LHFPL4: variants seen among roughly 807,000 people sequenced by gnomAD.
LHFPL4 encodes LHFPL tetraspan subfamily member 4.
In LHFPL4, 6 loss-of-function variants were observed where a neutral mutation model predicts 20.0. The observed-to-expected ratio is 0.30, with a 90% CI of 0.16 to 0.59. The LOEUF (loss-of-function observed/expected upper bound fraction) is 0.59, where lower values mean the gene tolerates loss of function less well. LHFPL4 is among the 20% of genes least tolerant of loss of function. The pLI is 0.88. For synonymous variants in LHFPL4, 129 were observed against 143.8 expected, an observed-to-expected ratio of 0.90 and a Z score of 0.74; for missense variants, 215 against 331.2, an observed-to-expected ratio of 0.65 and a Z score of 2.72.
intron 2 of LHFPL4, among the ~76,000 whole-genome samples, chr3:9,516,988 C>T (rs2046307214): frequency 6.6e-6 from 1 of 151,754 alleles, no homozygotes; most frequent in African/African-American, 2.4e-5. Flanking sequence ...GCCATGTTGC[C>T]CAGGTTGGTC....
At chr3:9,553,440 C>A (rs2046570716) in intron 1 of LHFPL4, among the ~76,000 whole-genome samples, 1 of 150,474 alleles carries the variant, frequency 6.6e-6, no homozygotes, top group Non-Finnish European at 1.5e-5. Flanking sequence ...TGGAGGTAGG[C>A]TGGAGGGAGC....
intron 2 of LHFPL4, among the ~76,000 whole-genome samples, chr3:9,551,730 C>T (rs2046555594): frequency 6.6e-6 from 1 of 152,108 alleles, no homozygotes; most frequent in Non-Finnish European, 1.5e-5. Flanking sequence ...GCCTCTCCCC[C>T]TTATCACAGC....
At chr3:9,534,903 C>T (rs982806427) in intron 2 of LHFPL4, among the ~76,000 whole-genome samples, 3 of 152,030 alleles carry the variant, frequency 2.0e-5, no homozygotes, top group African/African-American at 2.4e-5. Context: ...TAAGATTTAA[C>T]TGTGAGGATG....
At chr3:9,540,774 G>A (rs1480652709) in intron 2 of LHFPL4, among the ~76,000 whole-genome samples, 2 of 151,678 alleles carry the variant, frequency 1.3e-5, no homozygotes, top group Middle Eastern at 3.4e-3. Flanking sequence ...GGTGGTGTAT[G>A]CCTGTGGTCC....
chr3:9,535,305 T>C (rs966458877), intron 2 of LHFPL4, among the ~76,000 whole-genome samples: 2 of 152,224 alleles, frequency 1.3e-5, no homozygotes, highest in Admixed American at 1.3e-4. Context: ...TCTACAACTC[T>C]ATGGAATAGA....
chr3:9,501,951 G>C lies in LHFPL4; in HGVS notation c.*260C>G. ...TCTAGAGAGGAGAGGAGAAGCCCAA[G>C]GGCCTACGCAGATGCAGGCTCCCTT... On this transcript the variant is annotated 3_prime_UTR_variant, in exon 4 of 4. Coordinates refer to ENST00000287585, the MANE Select transcript of LHFPL4 (RefSeq NM_198560.3). The C allele has an allele frequency of 2.0e-6, 1 of 510,924 alleles. No homozygotes were observed. Among genetic ancestry groups the C allele is most frequent in the Non-Finnish European group, 3.6e-6 (1 of 281,334 alleles). 31.6% of individuals were successfully genotyped at this position (510,924 alleles called of 1,614,324 possible).
chr3:9,526,951 A>T (rs566576433), intron 2 of LHFPL4, among the ~76,000 whole-genome samples: 1 of 148,976 alleles, frequency 6.7e-6, no homozygotes, highest in African/African-American at 2.4e-5. Flanking sequence ...AGAAAAAAAG[A>T]AAAAAAAAGG....
chr3:9,506,037 G>A lies in LHFPL4; in HGVS notation c.573C>T (p.Ser191=), dbSNP rs1326544458. ...GGTTGCCCAGCACGAAGGCGAGGAA[G>A]GAGAGGATGAGGGCGTTGAGGATGC... ...IIGILNALIL[S]FLAFVLGNRQ... is the part of the protein sequence containing the mutation. The change falls in exon 3 of 4, where the codon TCC becomes TCT. Residue 191 remains serine (S), a synonymous_variant. Coordinates refer to ENST00000287585, the MANE Select transcript of LHFPL4 (RefSeq NM_198560.3). The surrounding 1 kb of genome is among the most constrained non-coding windows in gnomAD (Gnocchi z 4.5). 6.2e-7 allele frequency: 1 copy of A among 1,614,218 alleles called. No homozygotes were observed. Among genetic ancestry groups the A allele is most frequent in the South Asian group, 1.1e-5 (1 of 91,086 alleles).
chr3:9,541,906 T>G (rs2046479052), intron 2 of LHFPL4, among the ~76,000 whole-genome samples: 1 of 152,182 alleles, frequency 6.6e-6, no homozygotes, highest in Admixed American at 6.5e-5. Flanking sequence ...TTTCTCAAAA[T>G]TTTAAATACA....
chr3:9,522,877 T>G (rs1013979679), intron 2 of LHFPL4, among the ~76,000 whole-genome samples: 1 of 150,212 alleles, frequency 6.7e-6, no homozygotes, highest in Non-Finnish European at 1.5e-5. Flanking sequence ...CCGTCTCTAC[T>G]AAAAATACAA....
At chr3:9,546,675 T>C (rs1445778574) in intron 2 of LHFPL4, among the ~76,000 whole-genome samples, 1 of 152,206 alleles carries the variant, frequency 6.6e-6, no homozygotes, top group Non-Finnish European at 1.5e-5. Context: ...GATAAGACTC[T>C]TTCCAGCTGA....
At chr3:9,550,512 C>A (rs966348988) in intron 2 of LHFPL4, 1 of 152,142 alleles carries the variant, frequency 6.6e-6, no homozygotes, top group Non-Finnish European at 1.5e-5. Context: ...GCCTGAAATT[C>A]TATTATTATA....
At chr3:9,542,365 C>G (rs2046482300) in intron 2 of LHFPL4, among the ~76,000 whole-genome samples, 1 of 152,150 alleles carries the variant, frequency 6.6e-6, no homozygotes, top group African/African-American at 2.4e-5. Context: ...ACCCAAATGT[C>G]CATCAGCTGA....
rs1369343709 is a variant in LHFPL4, at chr3:9,498,756, C to T, written c.*3455G>A. On this transcript the variant is annotated 3_prime_UTR_variant, in exon 4 of 4. Coordinates refer to ENST00000287585, the MANE Select transcript of LHFPL4 (RefSeq NM_198560.3). ...CACTGGAAGCTGGAGAAAGGTTATTCCCCGTGTGCCCAAGCAGGATGCTCA... is the reference window on the plus strand; with the variant it reads ...CACTGGAAGCTGGAGAAAGGTTATTTCCCGTGTGCCCAAGCAGGATGCTCA... 1 of 152,668 alleles carries T rather than the reference C, an allele frequency of 6.6e-6. No homozygotes were observed. The highest frequency in any genetic ancestry group is 2.4e-5 in the African/African-American group (1 of 41,452). 9.5% of individuals were successfully genotyped at this position (152,668 alleles called of 1,614,324 possible). A position where few individuals can be genotyped will look rare whatever the true frequency, so the allele number is the denominator to read the frequency against.
In LHFPL4 at chr3:9,506,211, G is replaced by C. The variant is rs375089088; in HGVS notation, c.407-8C>G. Reference sequence around the variant, plus strand: ...CCAGGACGAGGCACAGAGCTGAGGGGCAGAGCACCGGGCCCACCACCACGG... The same window carrying C: ...CCAGGACGAGGCACAGAGCTGAGGGCCAGAGCACCGGGCCCACCACCACGG... On this transcript the variant is annotated splice_polypyrimidine_tract_variant and splice_region_variant and intron_variant, in intron 2 of 3. Transcript: ENST00000287585. The surrounding 1 kb of genome is among the most constrained non-coding windows in gnomAD (Gnocchi z 4.5). 1.2e-6 allele frequency: 2 copies of C among 1,606,656 alleles called. No homozygotes were observed. The highest frequency in any genetic ancestry group is 1.7e-6 in the Non-Finnish European group (2 of 1,173,270).
intron 2 of LHFPL4, among the ~76,000 whole-genome samples, chr3:9,533,985 A>G (rs1482813338): frequency 1.3e-5 from 2 of 151,918 alleles, no homozygotes; most frequent in Admixed American, 1.3e-4. Flanking sequence ...AGGCTGAGGC[A>G]GGTGGATTGC....
chr3:9,551,080 C>G (rs1274972108), intron 2 of LHFPL4: 1 of 152,154 alleles, frequency 6.6e-6, no homozygotes, highest in Non-Finnish European at 1.5e-5. Flanking sequence ...ATAGAGGTTT[C>G]TCCTCAATGA....
chr3:9,503,816 A>G (rs745854541), intron 3 of LHFPL4, among the ~76,000 whole-genome samples: 2 of 152,242 alleles, frequency 1.3e-5, no homozygotes, highest in Non-Finnish European at 2.9e-5. Flanking sequence ...GCTTGAAGCC[A>G]GGAGTTCAAG....
intron 1 of LHFPL4, 85 bp from the exon 2 acceptor site, chr3:9,552,932 G>A (rs1324676262): frequency 7.1e-6 from 1 of 140,792 alleles, no homozygotes; most frequent in Non-Finnish European, 1.5e-5. Context: ...GGGCCTAGGA[G>A]GGGGCCATGA....
Sources: gnomAD v4.1 joint callset for allele counts (sites outside exome capture counted in the v4.1 genomes callset) on GRCh38, gnomAD v4.1.1 for gene constraint, Gnocchi (gnomAD v3.1) non-coding constraint, MANE v1.5 for transcripts, NCBI Gene and HGNC (gene_info 2026-07-23, HGNC 2026-07-21) for gene names.